The following MYO10 variants were observed in gnomAD, a reference collection of about 807,000 sequenced individuals.
The protein encoded by MYO10 is unconventional myosin-X.
Under a neutral mutation model 257.3 loss-of-function variants are expected in MYO10, and 133 were observed. The observed-to-expected ratio is 0.52, with a 90% CI of 0.45 to 0.60. The LOEUF (loss-of-function observed/expected upper bound fraction) is 0.60, where lower values mean the gene tolerates loss of function less well. MYO10 is among the 20% of genes least tolerant of loss of function. The probability of loss-of-function intolerance (pLI) is 0.00; values close to 1 mark genes in which losing one functional copy is unlikely to be tolerated. For synonymous variants in MYO10, 1,104 were observed against 1,028.6 expected (o/e 1.07, Z -1.40); for missense variants, 2,399 against 2,635.7 (o/e 0.91, Z 1.97).
chr5:16,880,698 C>T (rs528475247), intron 1 of MYO10, among the ~76,000 whole-genome samples: 1 of 152,160 alleles, frequency 6.6e-6, no homozygotes, highest in Non-Finnish European at 1.5e-5. Context: ...GTCCCTCACC[C>T]CCTACTCTTG....
chr5:16,848,000 T>G (rs1464707338), intron 2 of MYO10, among the ~76,000 whole-genome samples: 1 of 152,214 alleles, frequency 6.6e-6, no homozygotes, highest in East Asian at 1.9e-4. Flanking sequence ...TGATTAACAT[T>G]GGTAATAAGA....
intron 39 of MYO10, among the ~76,000 whole-genome samples, 193 bp downstream of exon 39, chr5:16,670,333 T>C (rs367165): frequency 0.89 from 135,353 of 151,976 alleles, 61,178 homozygotes; most frequent in East Asian, 1. Flanking sequence ...ATTACAGATG[T>C]GTTTACTACA....
chr5:16,761,218 T>G lies in MYO10; in HGVS notation c.1739+246A>C, dbSNP rs182855674. On this transcript the variant is annotated intron_variant, in intron 17 of 40. Transcript: ENST00000513610. ...GTTGGCCAGGCTGGTCTCAAACTCC[T>G]GACCTCACGTGATTTGCCCACCTTG... Among the ~76,000 whole-genome samples, 455 of 152,268 alleles carry G rather than the reference T, an allele frequency of 3.0e-3. 4 individuals are homozygous for G. Among genetic ancestry groups the G allele is most frequent in the Non-Finnish European group, 3.7e-3 (255 of 68,016 alleles).
chr5:16,737,716 C>G (rs1004882887), intron 19 of MYO10, among the ~76,000 whole-genome samples: 6 of 152,146 alleles, frequency 3.9e-5, no homozygotes, highest in Non-Finnish European at 7.4e-5. Context: ...CTGGGGGGCA[C>G]CCGGGAAAGT....
chr5:16,887,378 A>G (rs1344442125), intron 1 of MYO10, among the ~76,000 whole-genome samples: 2 of 152,276 alleles, frequency 1.3e-5, no homozygotes, highest in Non-Finnish European at 2.9e-5. Flanking sequence ...AATCAAAACC[A>G]AAATGAACTA....
At chr5:16,878,109 C>G (rs1395770469) in intron 1 of MYO10, among the ~76,000 whole-genome samples, 2 of 152,192 alleles carry the variant, frequency 1.3e-5, no homozygotes, top group Admixed American at 1.3e-4. Context: ...GCATGACAGG[C>G]AGTTGGGCTC....
At chr5:16,923,259 G>A (rs1463719493) in intron 1 of MYO10, among the ~76,000 whole-genome samples, 1 of 151,542 alleles carries the variant, frequency 6.6e-6, no homozygotes, top group Non-Finnish European at 1.5e-5. Context: ...CATTGTCAGA[G>A]ATGTAGTGTA....
intron 1 of MYO10, chr5:16,916,402 AAGT>A: frequency 8.3e-6 from 1 of 120,516 alleles, no homozygotes; most frequent in Non-Finnish European, 1.8e-5. Context: ...AAAAGCCATG[AAGT>A]AAAAAAAAAA....
At chr5:16,890,765 G>A (rs1022269912) in intron 1 of MYO10, among the ~76,000 whole-genome samples, 2 of 151,650 alleles carry the variant, frequency 1.3e-5, no homozygotes, top group South Asian at 2.1e-4. Context: ...ACTTGAACCC[G>A]AGAAGCAGAG....
At chr5:16,824,625 T>C (rs1443648490) in intron 2 of MYO10, among the ~76,000 whole-genome samples, 1 of 152,048 alleles carries the variant, frequency 6.6e-6, no homozygotes, top group African/African-American at 2.4e-5. Flanking sequence ...TCCCAGCACT[T>C]TGGGAGGTCA....
intron 1 of MYO10, among the ~76,000 whole-genome samples, chr5:16,879,394 C>T (rs572708499): frequency 1.2e-3 from 182 of 152,264 alleles, no homozygotes; most frequent in Non-Finnish European, 2.2e-3. Flanking sequence ...CCAGTAAACT[C>T]CTCATTTTAC....
chr5:16,914,588 C>A (rs1745764236), intron 1 of MYO10, among the ~76,000 whole-genome samples: 1 of 152,170 alleles, frequency 6.6e-6, no homozygotes, highest in African/African-American at 2.4e-5. Flanking sequence ...ATTTTTCTAG[C>A]CCCAGATATG....
chr5:16,920,644 G>T (rs1745954665), intron 1 of MYO10, among the ~76,000 whole-genome samples: 1 of 152,220 alleles, frequency 6.6e-6, no homozygotes, highest in Non-Finnish European at 1.5e-5. Context: ...CATAAAAAAT[G>T]CATGTATGCA....
At chr5:16,782,970 A>C (rs547018570) in intron 5 of MYO10, among the ~76,000 whole-genome samples, 5 of 152,290 alleles carry the variant, frequency 3.3e-5, no homozygotes, top group African/African-American at 1.2e-4. Flanking sequence ...TCTGCTGCTA[A>C]CAAGGCCTCC....
chr5:16,889,796 C>T (rs1745001127), intron 1 of MYO10, among the ~76,000 whole-genome samples: 1 of 151,708 alleles, frequency 6.6e-6, no homozygotes, highest in African/African-American at 2.4e-5. Context: ...AAGACCAGCA[C>T]AAGATGTTTG....
chr5:16,762,475 G>T, intron 15 of MYO10, 70 bp downstream of exon 15: 1 of 1,239,862 alleles, frequency 8.1e-7, no homozygotes, highest in Non-Finnish European at 1.2e-6. Context: ...GGACTGACAT[G>T]TCTGGTGTGT....
chr5:16,680,716 T>C (rs1248268950), intron 32 of MYO10, among the ~76,000 whole-genome samples: 3 of 152,250 alleles, frequency 2.0e-5, no homozygotes, highest in Non-Finnish European at 4.4e-5. Context: ...GTACTTTCTA[T>C]GCTACTAGGC....
chr5:16,674,189 C>T (rs928545532), intron 35 of MYO10, among the ~76,000 whole-genome samples: 1 of 152,178 alleles, frequency 6.6e-6, no homozygotes. Context: ...AATTCTTGGC[C>T]GGGCGCCGTG....
chr5:16,910,414 A>G (rs763805910), intron 1 of MYO10, among the ~76,000 whole-genome samples: 1 of 152,156 alleles, frequency 6.6e-6, no homozygotes, highest in Non-Finnish European at 1.5e-5. Flanking sequence ...TCAGAGATCC[A>G]CCCAGGTCTT....
Sources: gnomAD v4.1 joint callset for allele counts (sites outside exome capture counted in the v4.1 genomes callset) on GRCh38, gnomAD v4.1.1 for gene constraint, MANE v1.5 for transcripts, NCBI Gene and HGNC (gene_info 2026-07-23, HGNC 2026-07-21) for gene names.